MVB12B: variants seen among roughly 807,000 people sequenced by gnomAD.
MVB12B encodes the protein ESCRT-I complex subunit MVB12B.
MVB12B carries 16 observed loss-of-function variants against 41.6 expected under a neutral mutation model. That is an observed-to-expected ratio of 0.38 (90% CI 0.26 to 0.58). The LOEUF (loss-of-function observed/expected upper bound fraction) is 0.58, where lower values mean the gene tolerates loss of function less well. Among genes scored for constraint, MVB12B ranks in the 20% least tolerant of loss-of-function variants. The pLI is 0.62. For missense variants in MVB12B, 274 were observed against 380.2 expected (o/e 0.72, Z 2.32); for synonymous variants, 133 against 139.7 (o/e 0.95, Z 0.34).
chr9:126,367,863 A>G lies in MVB12B; in HGVS notation c.205-13201A>G, dbSNP rs1409332590. 6.6e-6 allele frequency among the ~76,000 whole-genome samples: 1 copy of G among 151,688 alleles called. No individual in the cohort carries two copies. Among genetic ancestry groups the G allele is most frequent in the Non-Finnish European group, 1.5e-5 (1 of 67,930 alleles). On this transcript the variant is annotated intron_variant, in intron 2 of 9. Coordinates refer to ENST00000361171, the MANE Select transcript of MVB12B (RefSeq NM_033446.3). The surrounding 1 kb of genome is among the most constrained non-coding windows in gnomAD (Gnocchi z 4.3). ...GTGTGGCTCTCTTCCCTGCGCCCTC[A>G]CTCCTGATTCAGCTCACCTGGGAGC...
At chr9:126,453,519 C>T (rs1182625629) in intron 7 of MVB12B, among the ~76,000 whole-genome samples, 4 of 152,166 alleles carry the variant, frequency 2.6e-5, no homozygotes, top group Non-Finnish European at 2.9e-5. Flanking sequence ...TAGAGGAATC[C>T]GTTGCCAACA....
chr9:126,410,551 A>G (rs975245929), intron 6 of MVB12B, among the ~76,000 whole-genome samples: 32 of 152,282 alleles, frequency 2.1e-4, no homozygotes, highest in African/African-American at 7.0e-4. Context: ...AGTAACTGCC[A>G]TAGTCCTAAA....
At chr9:126,410,567 A>G (rs867817844) in intron 6 of MVB12B, among the ~76,000 whole-genome samples, 6 of 152,116 alleles carry the variant, frequency 3.9e-5, no homozygotes, top group Admixed American at 2.0e-4. Context: ...CTAAATAATT[A>G]CAGGAGTGAA....
At chr9:126,406,112 A>G (rs1564313600) in intron 6 of MVB12B, among the ~76,000 whole-genome samples, 2 of 151,814 alleles carry the variant, frequency 1.3e-5, no homozygotes, top group Non-Finnish European at 2.9e-5. Context: ...AGAAGACTGA[A>G]GCTTGGAGAG....
intron 2 of MVB12B, among the ~76,000 whole-genome samples, chr9:126,374,637 G>A (rs898622539): frequency 1.1e-4 from 16 of 152,174 alleles, no homozygotes; most frequent in African/African-American, 3.4e-4. Context: ...CTGCAGCTCC[G>A]TCCCCAGCCA....
Position 126,503,680 on chromosome 9 carries a change from C to T in MVB12B, c.*417C>T, listed in dbSNP as rs1834010107. 4.9e-6 allele frequency: 1 copy of T among 205,950 alleles called. No homozygotes were observed. The highest frequency in any genetic ancestry group is 9.8e-6 in the Non-Finnish European group (1 of 102,492). 12.8% of individuals were successfully genotyped at this position (205,950 alleles called of 1,614,324 possible). On this transcript the variant is annotated 3_prime_UTR_variant, in exon 10 of 10. Coordinates refer to ENST00000361171, the MANE Select transcript of MVB12B (RefSeq NM_033446.3). ...ACCCCACTAAGCCGTTGAGTCTCTT[C>T]CTGGAAGACCCTGAGGGCCGGCAGC...
intron 9 of MVB12B, among the ~76,000 whole-genome samples, chr9:126,491,330 G>A (rs1206965077): frequency 1.3e-5 from 2 of 152,222 alleles, no homozygotes; most frequent in Admixed American, 6.5e-5. Flanking sequence ...TGAAATGGCA[G>A]CGTCCCAATT....
intron 9 of MVB12B, among the ~76,000 whole-genome samples, chr9:126,492,155 A>G (rs955700773): frequency 1.4e-5 from 2 of 147,908 alleles, no homozygotes; most frequent in African/African-American, 5.0e-5. Flanking sequence ...AGGCTCATGC[A>G]GTACTGCCGG....
intron 1 of MVB12B, among the ~76,000 whole-genome samples, chr9:126,337,719 T>G (rs1480680434): frequency 6.6e-6 from 1 of 152,096 alleles, no homozygotes; most frequent in Non-Finnish European, 1.5e-5. Context: ...AACAGACCTG[T>G]TAGTGTGTTT....
rs1056017062 is a variant in MVB12B, at chr9:126,478,682, T to C, written c.758-2687T>C. Among the ~76,000 whole-genome samples, 1 of 152,040 alleles carries C rather than the reference T, an allele frequency of 6.6e-6. No individual in the cohort carries two copies. The highest frequency in any genetic ancestry group is 2.4e-5 in the African/African-American group (1 of 41,396). On this transcript the variant is annotated intron_variant, in intron 7 of 9. Transcript: ENST00000361171. This position sits in a 1 kb window ranked among gnomAD's most constrained non-coding sequence, Gnocchi z 4.2. ...TGGAAATCCTGCCCTTCTCTGTCCA[T>C]TGGAGGCACAGGCAGTACTGACAGC...
rs1024540178 is a variant in MVB12B, at chr9:126,503,273, G to A, written c.*10G>A. The A allele has an allele frequency of 8.4e-6, 13 of 1,549,046 alleles. No individual in the cohort carries two copies. The highest frequency in any genetic ancestry group is 2.4e-5 in the South Asian group (2 of 83,998). ...GATCCCGCAGTCCTGAGGAGCCAGC[G>A]GCCACCTGCGGGGAGACCACCGCCG... is the stretch of plus-strand genomic sequence containing the variant. On this transcript the variant is annotated 3_prime_UTR_variant, in exon 10 of 10. Transcript: ENST00000361171.
At chr9:126,432,807 T>G (rs1832363333) in intron 7 of MVB12B, among the ~76,000 whole-genome samples, 1 of 152,116 alleles carries the variant, frequency 6.6e-6, no homozygotes. Context: ...TTAGCACAGG[T>G]TGCGTGTGAC....
chr9:126,498,669 G>C (rs1217414943), intron 9 of MVB12B, among the ~76,000 whole-genome samples: 2 of 152,252 alleles, frequency 1.3e-5, no homozygotes, highest in Admixed American at 6.5e-5. Context: ...GCATTGCCCA[G>C]CTCACTCTGG....
chr9:126,500,792 C>T (rs1448765764), intron 9 of MVB12B, among the ~76,000 whole-genome samples: 1 of 152,244 alleles, frequency 6.6e-6, no homozygotes, highest in Non-Finnish European at 1.5e-5. Flanking sequence ...AGGTGCCGTC[C>T]ATGCCCTTCC....
intron 6 of MVB12B, among the ~76,000 whole-genome samples, chr9:126,403,958 T>G (rs1017604546): frequency 4.8e-5 from 7 of 145,072 alleles, no homozygotes; most frequent in Non-Finnish European, 9.1e-5. Context: ...ATCTTTTTTT[T>G]TTTTTTTTTT....
chr9:126,423,446 G>A (rs1832082135), intron 7 of MVB12B, among the ~76,000 whole-genome samples: 2 of 152,188 alleles, frequency 1.3e-5, no homozygotes, highest in Admixed American at 1.3e-4. Context: ...GTTCATTTCA[G>A]CTGTTAGTTT....
intron 7 of MVB12B, among the ~76,000 whole-genome samples, chr9:126,470,775 A>C (rs1833298472): frequency 6.6e-6 from 1 of 152,082 alleles, no homozygotes; most frequent in African/African-American, 2.4e-5. Context: ...TCCTTAGCAA[A>C]CATTGCTTCC....
At chr9:126,327,400 T>G (rs1829012905) in intron 1 of MVB12B, 38 of 897,934 alleles carry the variant, frequency 4.2e-5, no homozygotes, top group Admixed American at 6.2e-5. Context: ...CCTGGGGTCC[T>G]GCTCTCTCTG....
intron 1 of MVB12B, among the ~76,000 whole-genome samples, chr9:126,336,953 C>A (rs1829300382): frequency 1.3e-5 from 2 of 152,202 alleles, no homozygotes; most frequent in Non-Finnish European, 2.9e-5. Context: ...AGTAAGAGGA[C>A]CTGCTCAAGG....
Sources: allele counts gnomAD v4.1 joint callset (sites outside exome capture counted in the v4.1 genomes callset), GRCh38; gene constraint gnomAD v4.1.1; non-coding constraint Gnocchi (gnomAD v3.1); transcripts MANE v1.5; gene names NCBI Gene and HGNC (gene_info 2026-07-23, HGNC 2026-07-21).